AZI2: variants seen among roughly 807,000 people sequenced by gnomAD.
AZI2 encodes the protein 5-azacytidine induced 2.
In AZI2, 22 loss-of-function variants were observed where a neutral mutation model predicts 45.8. That is an observed-to-expected ratio of 0.48 (90% CI 0.34 to 0.69). The LOEUF is 0.69. Among genes scored for constraint, AZI2 ranks in the 30% least tolerant of loss-of-function variants. The pLI is 0.01. For synonymous variants in AZI2, 137 were observed against 156.7 expected (o/e 0.87, Z 0.94); for missense variants, 417 against 441.5 (o/e 0.94, Z 0.50).
At position 28,323,553 on chromosome 3, in the gene AZI2, A is replaced by G. The variant is rs1166670071; in HGVS notation, c.*489T>C. On this transcript the variant is annotated 3_prime_UTR_variant, in exon 8 of 8. Transcript: ENST00000479665. ...GCATATAAAGATGGTATAACCTAAG[A>G]TGCTTTTATTTCATTATATTTTCAA... 2 of 151,656 alleles carry G rather than the reference A, an allele frequency of 1.3e-5. No individual in the cohort carries two copies. The highest frequency in any genetic ancestry group is 3.0e-5 in the Non-Finnish European group (2 of 67,446). 9.4% of individuals were successfully genotyped at this position (151,656 alleles called of 1,614,324 possible).
At chr3:28,331,714 G>A (rs2125645214) in intron 6 of AZI2, 2 of 1,349,820 alleles carry the variant, frequency 1.5e-6, no homozygotes, top group Non-Finnish European at 1.9e-6. Context: ...TTTATTGGAT[G>A]GAGGGTAACA....
At chr3:28,345,522 C>T (rs766105992) in intron 1 of AZI2, among the ~76,000 whole-genome samples, 2 of 151,478 alleles carry the variant, frequency 1.3e-5, no homozygotes, top group African/African-American at 2.4e-5. Flanking sequence ...ATATAAAAAG[C>T]GAATTAGAAA....
At chr3:28,338,777 GA>G (rs551367405) in intron 2 of AZI2, among the ~76,000 whole-genome samples, 162 bp from the exon 3 acceptor site, 28 of 152,194 alleles carry the variant, frequency 1.8e-4, no homozygotes, top group African/African-American at 6.3e-4. Flanking sequence ...TCTTTACATA[GA>G]AAGCAAAAAT....
intron 7 of AZI2, 184 bp downstream of exon 7, chr3:28,326,648 T>C: frequency 1.6e-6 from 1 of 644,822 alleles, no homozygotes; most frequent in African/African-American, 1.8e-5. Flanking sequence ...CAGCAACACC[T>C]TTATGTGTGA....
chr3:28,328,227 A>T (rs868373520), intron 6 of AZI2, among the ~76,000 whole-genome samples: 20 of 151,076 alleles, frequency 1.3e-4, no homozygotes, highest in Admixed American at 8.6e-4. Context: ...AACCATGTCT[A>T]CTTCACCAAA....
chr3:28,333,675 T>G (rs1703674348), intron 5 of AZI2, among the ~76,000 whole-genome samples: 1 of 151,646 alleles, frequency 6.6e-6, no homozygotes, highest in South Asian at 2.1e-4. Context: ...AGTAAGCTCA[T>G]AGAGACTGTA....
chr3:28,346,827 T>C (rs1188063643), intron 1 of AZI2, among the ~76,000 whole-genome samples: 2 of 152,204 alleles, frequency 1.3e-5, no homozygotes, highest in Non-Finnish European at 2.9e-5. Flanking sequence ...TTTCAAAACA[T>C]CATCTCTTAA....
In AZI2 at chr3:28,326,813, C is replaced by G; in HGVS notation, c.766+19G>C. ...GCAGTTTGGCTGGAATCAGTGGTTTCCGGTAAACAGTGACTTGCCTTTCTT... is the reference window on the plus strand; with the variant it reads ...GCAGTTTGGCTGGAATCAGTGGTTTGCGGTAAACAGTGACTTGCCTTTCTT... On this transcript the variant is annotated intron_variant, in intron 7 of 7. Coordinates refer to ENST00000479665, the MANE Select transcript of AZI2 (RefSeq NM_022461.5). The G allele has an allele frequency of 6.4e-7, 1 of 1,568,602 alleles. No individual in the cohort carries two copies. The highest frequency in any genetic ancestry group is 8.8e-7 in the Non-Finnish European group (1 of 1,139,744).
intron 7 of AZI2, 49 bp from the exon 8 acceptor site, chr3:28,324,503 C>G: frequency 7.2e-7 from 1 of 1,388,982 alleles, no homozygotes; most frequent in Non-Finnish European, 9.5e-7. Context: ...CATTTGTGAT[C>G]ATAAAATTCG....
rs2125633282 is a variant in AZI2, at chr3:28,324,239, T to G, written c.982A>C (p.Asn328His). 1 of 1,610,350 alleles carries G rather than the reference T, an allele frequency of 6.2e-7. No homozygotes were observed. Among genetic ancestry groups the G allele is most frequent in the East Asian group, 2.2e-5 (1 of 44,782 alleles). ...SWTDNERSIPNDGTCFQEHSS... is the reference protein window; with the variant it reads ...SWTDNERSIPHDGTCFQEHSS... Reference sequence around the variant, plus strand: ...TGTTCCTGAAAGCATGTACCATCATTAGGAATGGATCTCTCATTGTCTGTC... The same window carrying G: ...TGTTCCTGAAAGCATGTACCATCATGAGGAATGGATCTCTCATTGTCTGTC... Residue 328 changes from asparagine (N) to histidine (H), a missense_variant, in exon 8 of 8, where the codon AAT (asparagine) becomes CAT (histidine). Physicochemically the swap from Asn to His is moderately conservative, Grantham distance 68. Transcript: ENST00000479665.
intron 1 of AZI2, among the ~76,000 whole-genome samples, chr3:28,342,717 A>G (rs1345113608): frequency 5.8e-4 from 30 of 52,038 alleles, no homozygotes; most frequent in Admixed American, 4.3e-3. Flanking sequence ...ACATGCACAC[A>G]CACACACACA....
intron 1 of AZI2, among the ~76,000 whole-genome samples, chr3:28,347,437 C>T (rs1704292925): frequency 1.3e-5 from 2 of 152,130 alleles, no homozygotes; most frequent in African/African-American, 2.4e-5. Context: ...GACATGAAAA[C>T]ATTAGAAAGT....
At chr3:28,334,470 G>A (rs1057231868) in intron 5 of AZI2, among the ~76,000 whole-genome samples, 1 of 151,760 alleles carries the variant, frequency 6.6e-6, no homozygotes, top group African/African-American at 2.4e-5. Flanking sequence ...ATTTCTTTTA[G>A]TTGTGAGTGA....
intron 1 of AZI2, among the ~76,000 whole-genome samples, 173 bp from the exon 2 acceptor site, chr3:28,340,795 C>T (rs1703987434): frequency 6.6e-6 from 1 of 152,024 alleles, no homozygotes; most frequent in South Asian, 2.1e-4. Context: ...AGTTGCTTAA[C>T]CTCTATGCCT....
In AZI2 at chr3:28,323,997, A is replaced by G. The variant is rs780739112; in HGVS notation, c.*45T>C. ...AAATAATTTCTTGGGAGGACCACTG[A>G]AAGAGATAAGTGTCCTCATGGTGAA... On this transcript the variant is annotated 3_prime_UTR_variant, in exon 8 of 8. Coordinates refer to ENST00000479665, the MANE Select transcript of AZI2 (RefSeq NM_022461.5). The G allele has an allele frequency of 5.9e-6, 9 of 1,529,170 alleles. No individual in the cohort carries two copies. The highest frequency in any genetic ancestry group is 8.0e-6 in the Non-Finnish European group (9 of 1,130,466). The allele number at this position is 1,529,170 out of a possible 1,614,324, so 94.7% of individuals were successfully genotyped here.
intron 5 of AZI2, 115 bp from the exon 6 acceptor site, chr3:28,332,542 C>T (rs1175756921): frequency 4.2e-6 from 3 of 719,206 alleles, no homozygotes; most frequent in Non-Finnish European, 6.8e-6. Flanking sequence ...TCTGTAAGTG[C>T]AAAGAATACA....
At position 28,336,937 on chromosome 3, in the gene AZI2, G is replaced by A. The variant is rs768773978; in HGVS notation, c.440-52C>T. The A allele has an allele frequency of 2.6e-6, 4 of 1,554,350 alleles. No homozygotes were observed. The African/African-American group carries it at 4.1e-5, about 16-fold the overall frequency. Reference sequence around the variant, plus strand: ...GTTATCTTTTCCTTCTACATTGACTGCAATTCTTAAAAATAGGTTATTCTG... The same window carrying A: ...GTTATCTTTTCCTTCTACATTGACTACAATTCTTAAAAATAGGTTATTCTG... On this transcript the variant is annotated intron_variant, in intron 4 of 7. Transcript: ENST00000479665.
chr3:28,327,361 TTTGA>T (rs1703425164), intron 6 of AZI2, among the ~76,000 whole-genome samples: 1 of 151,066 alleles, frequency 6.6e-6, no homozygotes, highest in Non-Finnish European at 1.5e-5. Flanking sequence ...GTATTTATCT[TTTGA>T]TTGTTTTGAC....
chr3:28,344,639 A>C (rs1459474986), intron 1 of AZI2, among the ~76,000 whole-genome samples: 2 of 152,082 alleles, frequency 1.3e-5, no homozygotes, highest in Non-Finnish European at 2.9e-5. Context: ...TTCTAGATAA[A>C]TGGTAAAAGT....
Sources: allele counts gnomAD v4.1 joint callset (sites outside exome capture counted in the v4.1 genomes callset), GRCh38; gene constraint gnomAD v4.1.1; transcripts MANE v1.5; gene names NCBI Gene and HGNC (gene_info 2026-07-23, HGNC 2026-07-21).